OPN5: variants seen among roughly 807,000 people sequenced by gnomAD.
OPN5 encodes opsin-5.
Under a neutral mutation model 41.7 loss-of-function variants are expected in OPN5, and 18 were observed. The ratio of observed to expected loss-of-function variants is 0.43; its 90% confidence interval spans 0.30 to 0.64. The LOEUF is 0.64. Ranked by LOEUF, OPN5 falls within the 30% of genes least tolerant of loss-of-function variation. OPN5 has a pLI of 0.13. For synonymous variants in OPN5, 178 were observed against 164.3 expected (o/e 1.08, Z -0.64); for missense variants, 318 against 434.5 (o/e 0.73, Z 2.38).
exon 2 of OPN5, chr6:47,786,624 G>T: frequency 6.2e-7 from 1 of 1,613,274 alleles, no homozygotes; most frequent in South Asian, 1.1e-5. Context: ...TCTGTGATCT[G>T]GGGATTTCAG....
At chr6:47,796,756 C>A (rs2113965921) in intron 4 of OPN5, among the ~76,000 whole-genome samples, 2 of 152,214 alleles carry the variant, frequency 1.3e-5, no homozygotes, top group Admixed American at 1.3e-4. Flanking sequence ...TGGTAATATG[C>A]CTCTCTCCAA....
chr6:47,823,848 G>A (rs1044285106), intron 6 of OPN5, 135 bp from the exon 7 acceptor site: 1 of 714,358 alleles, frequency 1.4e-6, no homozygotes, highest in African/African-American at 1.8e-5. Flanking sequence ...AGCCATCTCA[G>A]TGACAATGTC....
chr6:47,782,629 CTCAA>C (rs1199252672), intron 1 of OPN5, among the ~76,000 whole-genome samples: 2 of 152,120 alleles, frequency 1.3e-5, no homozygotes, highest in East Asian at 1.9e-4. Flanking sequence ...CTGTGCAAAA[CTCAA>C]TTGTGCTATT....
At chr6:47,822,790 T>A (rs890893205) in intron 6 of OPN5, among the ~76,000 whole-genome samples, 1 of 152,218 alleles carries the variant, frequency 6.6e-6, no homozygotes, top group African/African-American at 2.4e-5. Flanking sequence ...CAGGTTTTTT[T>A]ATACCGTGAA....
intron 3 of OPN5, 64 bp from the exon 4 acceptor site, chr6:47,795,165 T>C: frequency 8.3e-7 from 1 of 1,198,584 alleles, no homozygotes; most frequent in Non-Finnish European, 1.1e-6. Context: ...ATTTGACATA[T>C]CGAGGGGAGG....
At chr6:47,793,437 T>C (rs2113959890) in intron 3 of OPN5, among the ~76,000 whole-genome samples, 1 of 152,290 alleles carries the variant, frequency 6.6e-6, no homozygotes, top group South Asian at 2.1e-4. Flanking sequence ...CCACACAGCG[T>C]CCCAGAATGT....
intron 6 of OPN5, among the ~76,000 whole-genome samples, chr6:47,819,949 T>G (rs1275110393): frequency 6.6e-6 from 1 of 152,220 alleles, no homozygotes; most frequent in Non-Finnish European, 1.5e-5. Flanking sequence ...GTTTAACATA[T>G]GCCAAGGATT....
intron 6 of OPN5, chr6:47,823,361 C>A (rs1762692983): frequency 6.6e-6 from 1 of 152,246 alleles, no homozygotes; most frequent in Non-Finnish European, 1.5e-5. Context: ...AAGTTTATAT[C>A]AGATGGATTG....
Position 47,808,774 on chromosome 6 carries a change from G to C in OPN5, c.998+379G>C, listed in dbSNP as rs563872836. Among the ~76,000 whole-genome samples the C allele has an allele frequency of 5.3e-4, 81 of 152,050 alleles. 1 individual carries two copies. In the South Asian group the frequency reaches 0.016, roughly 30 times the overall value. ...CACAATAGAATGGTTCTCTTGTCTG[G>C]CACATCACTACCACTAGCTAAGGGC... On this transcript the variant is annotated intron_variant, in intron 5 of 6. Coordinates refer to ENST00000371211, the Ensembl canonical transcript of OPN5.
At chr6:47,808,419 G>A in intron 5 of OPN5, 24 bp downstream of exon 5, 1 of 1,613,032 alleles carries the variant, frequency 6.2e-7, no homozygotes, top group African/African-American at 1.3e-5. Context: ...AGCTGGAAAT[G>A]AATTACACTC....
exon 7 of OPN5, chr6:47,824,316 C>A: frequency 2.7e-6 from 1 of 375,144 alleles, no homozygotes; most frequent in South Asian, 5.5e-5. Flanking sequence ...CTTGTGAAAG[C>A]TGGCCTGAAA....
intron 1 of OPN5, among the ~76,000 whole-genome samples, chr6:47,785,128 T>C (rs1773164294): frequency 6.6e-6 from 1 of 152,232 alleles, no homozygotes; most frequent in Admixed American, 6.5e-5. Flanking sequence ...GAAAGGTGTT[T>C]CAATGAGCCT....
chr6:47,808,416 A>G, intron 5 of OPN5, 21 bp downstream of exon 5: 1 of 1,613,334 alleles, frequency 6.2e-7, no homozygotes, highest in Non-Finnish European at 8.5e-7. Context: ...AGAAGCTGGA[A>G]ATGAATTACA....
intron 1 of OPN5, among the ~76,000 whole-genome samples, chr6:47,784,605 G>A (rs1433343781): frequency 6.6e-6 from 1 of 151,998 alleles, no homozygotes; most frequent in Non-Finnish European, 1.5e-5. Flanking sequence ...GCCAAGATGT[G>A]TGTGTCCAGA....
At position 47,811,089 on chromosome 6, in the gene OPN5, C is replaced by A. The variant is rs890501314; in HGVS notation, c.999-585C>A. Among the ~76,000 whole-genome samples the A allele has an allele frequency of 3.2e-4, 48 of 152,146 alleles. 2 individuals carry two copies. On this transcript the variant is annotated intron_variant, in intron 5 of 6. Transcript: ENST00000371211. ...CATAGGCCTTTGCCTACACAGAGAC[C>A]AGTGAGGCCACCTATGGGCAGTGAC...
At chr6:47,796,920 G>A (rs1196355787) in intron 4 of OPN5, among the ~76,000 whole-genome samples, 3 of 152,194 alleles carry the variant, frequency 2.0e-5, no homozygotes, top group Non-Finnish European at 4.4e-5. Context: ...AGGAGGCCTA[G>A]CAATCATGGC....
intron 4 of OPN5, among the ~76,000 whole-genome samples, chr6:47,800,312 G>A (rs62397906): frequency 0.029 from 4,471 of 152,232 alleles, 109 homozygotes; most frequent in Middle Eastern, 0.054. Context: ...TGAAGGGGTG[G>A]GGATTGCTAT....
chr6:47,800,217 C>G (rs935432834), intron 4 of OPN5, among the ~76,000 whole-genome samples: 2 of 152,162 alleles, frequency 1.3e-5, no homozygotes, highest in African/African-American at 4.8e-5. Flanking sequence ...ATGAGGCCAG[C>G]CATGCCAGAT....
intron 5 of OPN5, among the ~76,000 whole-genome samples, chr6:47,809,772 A>G (rs1303047416): frequency 1.3e-5 from 2 of 152,254 alleles, no homozygotes; most frequent in East Asian, 3.8e-4. Flanking sequence ...GCTAAAAAGC[A>G]TCTCTTTCTG....
Sources: gnomAD v4.1 joint callset for allele counts (sites outside exome capture counted in the v4.1 genomes callset) on GRCh38, gnomAD v4.1.1 for gene constraint, MANE v1.5 for transcripts, NCBI Gene and HGNC (gene_info 2026-07-23, HGNC 2026-07-21) for gene names.